CTTNBP2NL: variants seen among roughly 807,000 people sequenced by gnomAD.
The protein encoded by CTTNBP2NL is CTTNBP2 N-terminal like.
A neutral mutation model predicts 32.5 loss-of-function variants in CTTNBP2NL; 16 were observed. That is an observed-to-expected ratio of 0.49 (90% CI 0.33 to 0.75). CTTNBP2NL has a LOEUF of 0.75. Among genes scored for constraint, CTTNBP2NL ranks in the 30% least tolerant of loss-of-function variants. The pLI, the probability that CTTNBP2NL is intolerant of heterozygous loss-of-function variation, is 0.02. For synonymous variants in CTTNBP2NL, 298 were observed against 289.4 expected (o/e 1.03, Z -0.30); for missense variants, 645 against 756.0 (o/e 0.85, Z 1.72).
chr1:112,447,611 G>T (rs1650088724), intron 3 of CTTNBP2NL, among the ~76,000 whole-genome samples: 1 of 151,940 alleles, frequency 6.6e-6, no homozygotes. Flanking sequence ...CAATGAAGAA[G>T]AAGTCTTCAG....
intron 3 of CTTNBP2NL, among the ~76,000 whole-genome samples, chr1:112,447,272 TAAAAAAAAAAAAA>T (rs35522134): frequency 4.3e-5 from 3 of 69,678 alleles, no homozygotes; most frequent in Non-Finnish European, 8.2e-5. Context: ...AGACTCCATC[TAAAAAAAAAAAAA>T]AAAAAAAAAA....
intron 3 of CTTNBP2NL, among the ~76,000 whole-genome samples, chr1:112,440,003 A>C (rs1260822136): frequency 2.0e-5 from 3 of 152,206 alleles, no homozygotes; most frequent in Non-Finnish European, 4.4e-5. Context: ...TAGGCCTTAT[A>C]CTTGTCTAGC....
upstream of CTTNBP2NL, among the ~76,000 whole-genome samples, chr1:112,395,612 G>A (rs188738544): frequency 9.2e-5 from 14 of 152,356 alleles, no homozygotes; most frequent in African/African-American, 3.4e-4. Flanking sequence ...CTGGGTTTAT[G>A]TCCCCCAAAG....
At chr1:112,398,781 C>G (rs1648404560) in intron 1 of CTTNBP2NL, among the ~76,000 whole-genome samples, 2 of 146,250 alleles carry the variant, frequency 1.4e-5, no homozygotes, top group African/African-American at 5.1e-5. Context: ...ACTGCACTCT[C>G]CAGCCTGGGC....
chr1:112,456,766 C>G lies in CTTNBP2NL; in HGVS notation c.1274C>G (p.Ser425Cys), dbSNP rs1223563975. 1 of 1,614,004 alleles carries G rather than the reference C, an allele frequency of 6.2e-7. No individual in the cohort carries two copies. Among genetic ancestry groups the G allele is most frequent in the Admixed American group, 1.7e-5 (1 of 59,992 alleles). ...PSSTASSSLT[S>C]SPCSSPVLTK... ...AGCACTGCCTCCTCCTCTCTAACAT[C>G]CTCTCCTTGCTCTTCGCCGGTACTC... Residue 425 changes from serine to cysteine, a missense_variant, in exon 6 of 6, where the codon TCC becomes TGC. Physicochemically the swap from Ser to Cys is moderately radical, Grantham distance 112 (BLOSUM62 -1). Transcript: ENST00000271277.
chr1:112,429,133 G>C (rs1649486637), intron 3 of CTTNBP2NL, among the ~76,000 whole-genome samples: 1 of 152,168 alleles, frequency 6.6e-6, no homozygotes. Flanking sequence ...GTACCCTTGT[G>C]AAGTTGATAT....
intron 3 of CTTNBP2NL, among the ~76,000 whole-genome samples, chr1:112,436,965 G>C (rs900050852): frequency 6.6e-6 from 1 of 152,112 alleles, no homozygotes; most frequent in African/African-American, 2.4e-5. Context: ...TTCTGCAAAG[G>C]ACATGATCTC....
rs1308655866 is a variant in CTTNBP2NL at position 112,456,403 on chromosome 1, C to G, written c.911C>G (p.Pro304Arg). The G allele has an allele frequency of 2.5e-6, 4 of 1,613,950 alleles. No homozygotes were observed. The highest frequency in any genetic ancestry group is 2.5e-6 in the Non-Finnish European group (3 of 1,180,014). Residue 304 changes from proline to arginine, a missense_variant, in exon 6 of 6, where the codon CCT becomes CGT. Pro to Arg is a moderately radical substitution (Grantham distance 103, BLOSUM62 -2). Transcript: ENST00000271277. Reference sequence around the variant, plus strand: ...GTGTCCAAAGGCACAGCAACTGAGCCTCTCATGCTAATGTCTGTGTTTTGC... The same window carrying G: ...GTGTCCAAAGGCACAGCAACTGAGCGTCTCATGCTAATGTCTGTGTTTTGC... ...VTVSKGTATEPLMLMSVFCQT... is the reference protein window; with the variant it reads ...VTVSKGTATERLMLMSVFCQT...
chr1:112,408,220 A>ATTTTTTTTTTTTTTTTTTTTTT (rs397981257), intron 1 of CTTNBP2NL, among the ~76,000 whole-genome samples: 5 of 103,760 alleles, frequency 4.8e-5, no homozygotes, highest in Non-Finnish European at 9.4e-5. Flanking sequence ...TTTTTTTTTA[A>ATTTTTTTTTTTTTTTTTTTTTT]TTTTTTTTTT....
intron 3 of CTTNBP2NL, among the ~76,000 whole-genome samples, chr1:112,429,816 C>T (rs1223364788): frequency 1.3e-5 from 2 of 152,142 alleles, no homozygotes; most frequent in Non-Finnish European, 2.9e-5. Flanking sequence ...AGTCACAGAG[C>T]ACTGTACTAA....
In CTTNBP2NL at chr1:112,458,027, T is replaced by C. The variant is rs1328513713; in HGVS notation, c.*615T>C. The C allele has an allele frequency of 6.5e-6, 1 of 152,722 alleles. No homozygotes were observed. Among genetic ancestry groups the C allele is most frequent in the Non-Finnish European group, 1.5e-5 (1 of 68,096 alleles). 9.5% of individuals were successfully genotyped at this position (152,722 alleles called of 1,614,324 possible). A position where few individuals can be genotyped will look rare whatever the true frequency, so the allele number is the denominator to read the frequency against. On this transcript the variant is annotated 3_prime_UTR_variant, in exon 6 of 6. Transcript: ENST00000271277. ...TGTGAACTCACCACAAGCTGAGCTTTATAGAGCCCTTGAGAAACCCTCCTG... is the reference window on the plus strand; with the variant it reads ...TGTGAACTCACCACAAGCTGAGCTTCATAGAGCCCTTGAGAAACCCTCCTG...
chr1:112,430,491 G>A (rs545940441), intron 3 of CTTNBP2NL, among the ~76,000 whole-genome samples: 1 of 151,214 alleles, frequency 6.6e-6, no homozygotes, highest in African/African-American at 2.4e-5. Context: ...ACCCGCCTCG[G>A]CCTTCCAGAG....
At chr1:112,405,510 C>T (rs3122287) in intron 1 of CTTNBP2NL, among the ~76,000 whole-genome samples, 70,923 of 151,914 alleles carry the variant, frequency 0.47, 18,347 homozygotes, top group African/African-American at 0.7. Context: ...GTTGGCCAGG[C>T]TGGTCTTGAA....
intron 4 of CTTNBP2NL, among the ~76,000 whole-genome samples, chr1:112,452,287 C>G (rs995697939): frequency 1.3e-5 from 2 of 151,082 alleles, no homozygotes; most frequent in African/African-American, 4.9e-5. Context: ...CCACCTCAGC[C>G]TCCCTAGTAT....
intron 2 of CTTNBP2NL, among the ~76,000 whole-genome samples, chr1:112,413,519 G>A (rs751427689): frequency 1.3e-5 from 2 of 152,060 alleles, no homozygotes; most frequent in East Asian, 1.9e-4. Flanking sequence ...ATTAGAAAAC[G>A]GAGTCAGATA....
chr1:112,416,405 C>T, intron 3 of CTTNBP2NL, 141 bp downstream of exon 3: 1 of 565,508 alleles, frequency 1.8e-6, no homozygotes. Context: ...TAGGTAGCCA[C>T]CTACATTGTG....
At chr1:112,394,571 C>G (rs1214379587), upstream of CTTNBP2NL, among the ~76,000 whole-genome samples, 1 of 152,216 alleles carries the variant, frequency 6.6e-6, no homozygotes, top group Non-Finnish European at 1.5e-5. Flanking sequence ...TCAGTATACC[C>G]TGCATCATTA....
intron 3 of CTTNBP2NL, among the ~76,000 whole-genome samples, chr1:112,447,268 C>A: frequency 8.6e-6 from 1 of 115,850 alleles, no homozygotes. Flanking sequence ...AGCGAGACTC[C>A]ATCTAAAAAA....
intron 3 of CTTNBP2NL, among the ~76,000 whole-genome samples, chr1:112,422,798 T>C (rs1649270225): frequency 6.6e-6 from 1 of 152,164 alleles, no homozygotes; most frequent in South Asian, 2.1e-4. Flanking sequence ...TGTTTTTGTA[T>C]TTTTTTATTT....
Sources: allele counts gnomAD v4.1 joint callset (sites outside exome capture counted in the v4.1 genomes callset), GRCh38; gene constraint gnomAD v4.1.1; transcripts MANE v1.5; gene names NCBI Gene and HGNC (gene_info 2026-07-23, HGNC 2026-07-21).